Variants in CCDC146 observed in about 807,000 individuals in gnomAD.
CCDC146 encodes the protein coiled-coil domain-containing protein 146.
Under a neutral mutation model 119.3 loss-of-function variants are expected in CCDC146, and 92 were observed. The ratio of observed to expected loss-of-function variants is 0.77; its 90% confidence interval spans 0.65 to 0.92. The LOEUF is 0.92. Among genes scored for constraint, CCDC146 ranks in the 40% least tolerant of loss-of-function variants. The probability of loss-of-function intolerance (pLI) is 0.00; values close to 1 mark genes in which losing one functional copy is unlikely to be tolerated. For synonymous variants in CCDC146, 372 were observed against 371.8 expected (o/e 1.00, Z -0.01); for missense variants, 1,000 against 1,103.0 (o/e 0.91, Z 1.32).
At chr7:77,257,856 G>A (rs533315009) in intron 6 of CCDC146, 1 of 152,362 alleles carries the variant, frequency 6.6e-6, no homozygotes, top group South Asian at 2.1e-4. Context: ...AGCATAGTGG[G>A]AGGTGCGGTG....
chr7:77,265,261 A>C (rs1404600068), intron 9 of CCDC146, among the ~76,000 whole-genome samples: 1 of 152,228 alleles, frequency 6.6e-6, no homozygotes, highest in Non-Finnish European at 1.5e-5. Context: ...TAAAACCAGC[A>C]AGTGTTGCTT....
intron 17 of CCDC146, 104 bp downstream of exon 17, chr7:77,287,681 G>T (rs969611123): frequency 1.8e-5 from 22 of 1,231,002 alleles, no homozygotes; most frequent in Non-Finnish European, 2.4e-5. Context: ...GAGAGATTAG[G>T]CTTTATGACT....
intron 1 of CCDC146, among the ~76,000 whole-genome samples, chr7:77,154,551 C>T (rs9718961): frequency 6.2e-4 from 86 of 138,492 alleles, no homozygotes; most frequent in South Asian, 1.4e-3. Flanking sequence ...TGAGAACATG[C>T]GGTGTTTGGC....
intron 2 of CCDC146, among the ~76,000 whole-genome samples, chr7:77,229,272 A>G (rs1274540063): frequency 2.0e-5 from 3 of 151,988 alleles, no homozygotes; most frequent in African/African-American, 7.2e-5. Context: ...CCTGTAGGTC[A>G]TTTAATCTGT....
intron 14 of CCDC146, among the ~76,000 whole-genome samples, chr7:77,281,620 G>A (rs890135309): frequency 1.3e-5 from 2 of 152,164 alleles, no homozygotes; most frequent in Non-Finnish European, 2.9e-5. Context: ...CCTGGCTTCT[G>A]TTGTCAAGAG....
chr7:77,136,899 T>A (rs1790867363), intron 1 of CCDC146, among the ~76,000 whole-genome samples: 1 of 152,184 alleles, frequency 6.6e-6, no homozygotes, highest in Admixed American at 6.5e-5. Context: ...AATAATTATA[T>A]ACCACTACCA....
At chr7:77,277,113 G>GGGAA (rs1793663428) in intron 11 of CCDC146, among the ~76,000 whole-genome samples, 1 of 151,550 alleles carries the variant, frequency 6.6e-6, no homozygotes, top group Admixed American at 6.6e-5. Context: ...AAGGGAGGGA[G>GGGAA]GGAAGGAAGG....
intron 2 of CCDC146, among the ~76,000 whole-genome samples, chr7:77,221,549 G>A (rs1792403140): frequency 6.6e-6 from 1 of 152,144 alleles, no homozygotes; most frequent in Non-Finnish European, 1.5e-5. Context: ...TTGGTGATAT[G>A]CTCAACCCTT....
chr7:77,167,778 G>A lies in CCDC146; in HGVS notation c.110G>A (p.Arg37Gln), dbSNP rs71555979. 46,260 of 1,595,812 alleles carry A rather than the reference G, an allele frequency of 0.029. 15 individuals carry two copies. Among genetic ancestry groups the A allele is most frequent in the Non-Finnish European group, 0.035 (40,912 of 1,165,126 alleles). ...CCCACAATTAACATTCAAGATGAGCGGTTTGTTGATTTATCTGAAACTCCA... is the reference window on the plus strand; with the variant it reads ...CCCACAATTAACATTCAAGATGAGCAGTTTGTTGATTTATCTGAAACTCCA... ...IVPTINIQDERFVDLSETPAF... is the reference protein window; with the variant it reads ...IVPTINIQDEQFVDLSETPAF... The change falls in exon 2 of 19, where the codon CGG becomes CAG. Residue 37 changes from arginine (R) to glutamine (Q), a missense_variant. Transcript: ENST00000285871.
At chr7:77,126,598 C>A (rs942610905) in intron 1 of CCDC146, among the ~76,000 whole-genome samples, 3 of 152,040 alleles carry the variant, frequency 2.0e-5, no homozygotes, top group African/African-American at 7.3e-5. Context: ...CTGCAGCTCT[C>A]AGTGGAGAGG....
chr7:77,238,195 A>T (rs1399487755), intron 3 of CCDC146, among the ~76,000 whole-genome samples: 1 of 151,520 alleles, frequency 6.6e-6, no homozygotes, highest in Non-Finnish European at 1.5e-5. Flanking sequence ...TCACCCCCAC[A>T]CCTAATGGAG....
chr7:77,209,496 C>T (rs1299755530), intron 2 of CCDC146, among the ~76,000 whole-genome samples: 1 of 152,192 alleles, frequency 6.6e-6, no homozygotes, highest in Non-Finnish European at 1.5e-5. Context: ...TGTGGCGTTT[C>T]CAGGTGCACG....
At position 77,280,613 on chromosome 7, in the gene CCDC146, C is replaced by T. The variant is rs200460755; in HGVS notation, c.1879C>T (p.Arg627Cys). 6.2e-6 allele frequency: 10 copies of T among 1,613,694 alleles called. No homozygotes were observed. Among genetic ancestry groups the T allele is most frequent in the African/African-American group, 2.7e-5 (2 of 74,994 alleles). Residue 627 changes from arginine (R) to cysteine (C), a missense_variant, in exon 14 of 19, where the codon CGC becomes TGC. Around this residue, in one of 2 missense-constraint regions of CCDC146, gnomAD observed 985 missense variants for 1,045.3 expected, o/e 0.94. Coordinates refer to ENST00000285871, the MANE Select transcript of CCDC146 (RefSeq NM_020879.3). Reference protein sequence around the residue: ...TMIEEEMVQLRKRYEKAVQHR... With the variant: ...TMIEEEMVQLCKRYEKAVQHR... ...GATCGAAGAGGAGATGGTGCAGCTT[C>T]GCAAAAGATACGAAAAAGCTGTTCA...
intron 1 of CCDC146, among the ~76,000 whole-genome samples, chr7:77,136,150 A>G (rs1044312590): frequency 6.6e-6 from 1 of 152,240 alleles, no homozygotes; most frequent in African/African-American, 2.4e-5. Context: ...CAGTGTGTAG[A>G]AAGAAATTAT....
chr7:77,208,112 A>G (rs2150445182), intron 2 of CCDC146, among the ~76,000 whole-genome samples: 1 of 152,338 alleles, frequency 6.6e-6, no homozygotes, highest in South Asian at 2.1e-4. Context: ...TGCAGGGTTC[A>G]GTAAGGACAC....
chr7:77,262,969 C>G lies in CCDC146; in HGVS notation c.1173+662C>G, dbSNP rs559546399. 2.0e-5 allele frequency among the ~76,000 whole-genome samples: 3 copies of G among 152,352 alleles called. No individual in the cohort carries two copies. In the South Asian group the frequency reaches 6.2e-4, roughly 32 times the overall value. On this transcript the variant is annotated intron_variant, in intron 9 of 18. Coordinates refer to ENST00000285871, the MANE Select transcript of CCDC146 (RefSeq NM_020879.3). ...TCCTTGAGAGGGCTTCAGCCTTGTG[C>G]TAGAGCCTTCCTTGAGCGAAAAAGG...
intron 2 of CCDC146, among the ~76,000 whole-genome samples, chr7:77,172,277 T>C (rs1481298279): frequency 1.3e-5 from 2 of 152,250 alleles, no homozygotes; most frequent in Non-Finnish European, 2.9e-5. Flanking sequence ...GTTTTTAACA[T>C]ACTGTGTATA....
intron 1 of CCDC146, among the ~76,000 whole-genome samples, chr7:77,163,860 C>CTTTTTTTTTTTTT (rs530810388): frequency 2.5e-4 from 28 of 110,018 alleles, no homozygotes; most frequent in Non-Finnish European, 3.1e-4. Flanking sequence ...TCTTTTTTTT[C>CTTTTTTTTTTTTT]TTTTTTTTTT....
At chr7:77,140,430 T>A (rs1198467025) in intron 1 of CCDC146, among the ~76,000 whole-genome samples, 2 of 152,254 alleles carry the variant, frequency 1.3e-5, no homozygotes, top group Admixed American at 1.3e-4. Context: ...GTATTGCTGG[T>A]GATACTGATC....
Sources: allele counts gnomAD v4.1 joint callset (sites outside exome capture counted in the v4.1 genomes callset), GRCh38; gene constraint gnomAD v4.1.1; regional missense constraint gnomAD v4.1.1; transcripts MANE v1.5; gene names NCBI Gene and HGNC (gene_info 2026-07-23, HGNC 2026-07-21).